IQUB: variants seen among roughly 807,000 people sequenced by gnomAD.
IQUB encodes the protein IQ motif and ubiquitin domain containing.
IQUB carries 86 observed loss-of-function variants against 86.4 expected under a neutral mutation model. The ratio of observed to expected loss-of-function variants is 1.00; its 90% CI spans 0.84 to 1.19. The LOEUF (loss-of-function observed/expected upper bound fraction) is 1.19. Among genes scored for constraint, IQUB ranks in the 50% most tolerant of loss-of-function variants. The pLI is 0.00. For missense variants in IQUB, 946 were observed against 916.9 expected (o/e 1.03, Z -0.41); for synonymous variants, 289 against 304.5 (o/e 0.95, Z 0.53).
intron 1 of IQUB, among the ~76,000 whole-genome samples, chr7:123,520,803 T>C (rs1471190647): frequency 1.3e-5 from 2 of 152,084 alleles, no homozygotes; most frequent in Non-Finnish European, 2.9e-5. Flanking sequence ...GAGGAGATGA[T>C]GAGAAGTGCT....
chr7:123,507,438 A>G (rs1796230535), intron 3 of IQUB, among the ~76,000 whole-genome samples: 3 of 152,234 alleles, frequency 2.0e-5, no homozygotes, highest in African/African-American at 7.2e-5. Context: ...CATTTTTGAC[A>G]TATGATGTTT....
intron 7 of IQUB, among the ~76,000 whole-genome samples, chr7:123,484,681 G>A (rs1795146038): frequency 1.3e-5 from 2 of 151,822 alleles, no homozygotes; most frequent in African/African-American, 2.4e-5. Flanking sequence ...TTTAAGTCTT[G>A]GATGAATCTG....
chr7:123,471,632 T>TCCC (rs34649365), intron 8 of IQUB, among the ~76,000 whole-genome samples: 97 of 151,644 alleles, frequency 6.4e-4, no homozygotes, highest in Middle Eastern at 3.4e-3. Context: ...AACTCTGTTT[T>TCCC]CCCCCCCAAG....
chr7:123,500,897 C>G (rs1163432232), intron 6 of IQUB, among the ~76,000 whole-genome samples: 1 of 151,524 alleles, frequency 6.6e-6, no homozygotes, highest in Non-Finnish European at 1.5e-5. Context: ...TACTTTTATT[C>G]TTTCAATATC....
rs1387312962 is a variant in IQUB at position 123,517,250 on chromosome 7, G to A, written c.-4-4906C>T. Among the ~76,000 whole-genome samples, 6 of 151,026 alleles carry A rather than the reference G, an allele frequency of 4.0e-5. 1 individual carries two copies. The South Asian group carries it at 6.3e-4, about 16-fold the overall frequency. On this transcript the variant is annotated intron_variant, in intron 1 of 12. Transcript: ENST00000324698. Reference sequence around the variant, plus strand: ...CTGCTTTAGAAAGAGACCCTATATCGGCAGGGCGCTGTGGCTCATGCCTGT... The same window carrying A: ...CTGCTTTAGAAAGAGACCCTATATCAGCAGGGCGCTGTGGCTCATGCCTGT...
chr7:123,507,508 T>C (rs1796235117), intron 3 of IQUB, among the ~76,000 whole-genome samples: 1 of 152,220 alleles, frequency 6.6e-6, no homozygotes, highest in South Asian at 2.1e-4. Flanking sequence ...GCATCTGTAG[T>C]CTATTTTGGC....
intron 8 of IQUB, 62 bp from the exon 9 acceptor site, chr7:123,469,446 C>G: frequency 1.1e-6 from 1 of 925,010 alleles, no homozygotes; most frequent in Non-Finnish European, 1.5e-6. Context: ...AACAATTTTG[C>G]TCCTTCTACT....
chr7:123,499,335 C>G (rs951282214), intron 6 of IQUB, among the ~76,000 whole-genome samples: 1 of 152,126 alleles, frequency 6.6e-6, no homozygotes, highest in Non-Finnish European at 1.5e-5. Context: ...GTCTCCAACT[C>G]CTGGCCTCGA....
At chr7:123,527,895 C>A (rs1228293836) in intron 1 of IQUB, among the ~76,000 whole-genome samples, 1 of 152,350 alleles carries the variant, frequency 6.6e-6, no homozygotes, top group Non-Finnish European at 1.5e-5. Context: ...TGAGCAATGG[C>A]GGGCGCCCCT....
chr7:123,517,983 G>T (rs758067542), intron 1 of IQUB, among the ~76,000 whole-genome samples: 2 of 152,180 alleles, frequency 1.3e-5, no homozygotes, highest in South Asian at 2.1e-4. Context: ...GGTTGAAAAG[G>T]ATTAAACCAG....
chr7:123,493,457 T>G (rs1317998007), intron 7 of IQUB, among the ~76,000 whole-genome samples: 1 of 152,142 alleles, frequency 6.6e-6, no homozygotes, highest in Non-Finnish European at 1.5e-5. Context: ...TGACTCTCAT[T>G]GACTCTGGTA....
intron 7 of IQUB, among the ~76,000 whole-genome samples, chr7:123,489,528 G>GA (rs891864013): frequency 6.6e-6 from 1 of 151,390 alleles, no homozygotes; most frequent in African/African-American, 2.4e-5. Context: ...TACTAAAATG[G>GA]AAAAAATATT....
chr7:123,528,511 C>G (rs1797370688), intron 1 of IQUB, among the ~76,000 whole-genome samples: 1 of 152,088 alleles, frequency 6.6e-6, no homozygotes, highest in African/African-American at 2.4e-5. Flanking sequence ...ATCTGGGATC[C>G]AAATCCAGGC....
chr7:123,457,138 T>C, intron 12 of IQUB: 1 of 969,384 alleles, frequency 1.0e-6, no homozygotes, highest in Non-Finnish European at 1.2e-6. Flanking sequence ...GTGCTTAAAC[T>C]TACTATTAGG....
At chr7:123,464,774 A>G (rs1794167496) in intron 10 of IQUB, 59 bp downstream of exon 10, 4 of 1,203,828 alleles carry the variant, frequency 3.3e-6, no homozygotes, top group East Asian at 2.7e-5. Flanking sequence ...ATATACTTCA[A>G]TTTACTATAC....
intron 10 of IQUB, 23 bp from the exon 11 acceptor site, chr7:123,461,628 A>G (rs780472342): frequency 3.9e-6 from 6 of 1,534,176 alleles, no homozygotes; most frequent in South Asian, 2.5e-5. Flanking sequence ...TAAAAAAAGA[A>G]AAAAAAGGTC....
At chr7:123,480,085 A>G in intron 7 of IQUB, 115 bp from the exon 8 acceptor site, 1 of 753,208 alleles carries the variant, frequency 1.3e-6, no homozygotes, top group East Asian at 2.8e-5. Flanking sequence ...ATACACAGAT[A>G]GAATCATTTC....
At chr7:123,476,526 G>A (rs1386358868) in intron 8 of IQUB, among the ~76,000 whole-genome samples, 1 of 151,994 alleles carries the variant, frequency 6.6e-6, no homozygotes, top group African/African-American at 2.4e-5. Flanking sequence ...TTCCCTAAGG[G>A]CAGTGAGGAA....
chr7:123,496,663 A>C, intron 7 of IQUB, 33 bp downstream of exon 7: 1 of 1,299,368 alleles, frequency 7.7e-7, no homozygotes, highest in South Asian at 1.4e-5. Flanking sequence ...AAGAATTTAA[A>C]AATATTTTTT....
Sources: gnomAD v4.1 joint callset for allele counts (sites outside exome capture counted in the v4.1 genomes callset) on GRCh38, gnomAD v4.1.1 for gene constraint, MANE v1.5 for transcripts, NCBI Gene and HGNC (gene_info 2026-07-23, HGNC 2026-07-21) for gene names.